Variants in AARS2 observed in about 807,000 individuals in gnomAD.
The protein encoded by AARS2 is alanine--tRNA ligase, mitochondrial.
In AARS2, 78 loss-of-function variants were observed where a neutral mutation model predicts 119.7. The observed-to-expected ratio is 0.65, with a 90% CI of 0.54 to 0.79. The LOEUF is 0.79. Among genes scored for constraint, AARS2 ranks in the 30% least tolerant of loss-of-function variants. The probability of loss-of-function intolerance (pLI) is 0.00; values close to 1 mark genes in which losing one functional copy is unlikely to be tolerated. For synonymous variants in AARS2, 502 were observed against 526.3 expected, an observed-to-expected ratio of 0.95 and a Z score of 0.63; for missense variants, 1,157 against 1,291.3, an observed-to-expected ratio of 0.90 and a Z score of 1.59.
At chr6:44,301,024 G>T in intron 21 of AARS2, 132 bp downstream of exon 21, 1 of 879,882 alleles carries the variant, frequency 1.1e-6, no homozygotes, top group Non-Finnish European at 1.8e-6. Flanking sequence ...CCCCATCCCT[G>T]TCCTGGAGTA....
intron 19 of AARS2, 135 bp downstream of exon 19, chr6:44,301,925 G>T: frequency 1.2e-6 from 1 of 855,108 alleles, no homozygotes; most frequent in Non-Finnish European, 1.9e-6. Flanking sequence ...GTTCTCAGCT[G>T]GCAGGAGAAG....
Position 44,303,809 on chromosome 6 carries a change from AG to A in AARS2, c.2007+371del, listed in dbSNP as rs139622215. ...AAGTACTTCCTGGAGAAAGGATTTA[AG>A]CCAGATGTGTAAGAAGCGCAGGGAG... On this transcript the variant is annotated intron_variant, in intron 14 of 21. Coordinates refer to ENST00000244571, the MANE Select transcript of AARS2 (RefSeq NM_020745.4). Among the ~76,000 whole-genome samples, 457 of 152,348 alleles carry A rather than the reference AG, an allele frequency of 3.0e-3. 4 individuals carry two copies. Among genetic ancestry groups the A allele is most frequent in the African/African-American group, 0.01 (434 of 41,574 alleles).
At chr6:44,304,049 G>A in intron 14 of AARS2, 132 bp downstream of exon 14, 1 of 1,346,900 alleles carries the variant, frequency 7.4e-7, no homozygotes, top group East Asian at 2.4e-5. Context: ...GACTTGCCCA[G>A]GGTCCCATAG....
At chr6:44,303,237 T>G (rs1332479888) in intron 15 of AARS2, 49 bp downstream of exon 15, 1 of 1,613,946 alleles carries the variant, frequency 6.2e-7, no homozygotes, top group East Asian at 2.2e-5. Flanking sequence ...CCTCCAGGTA[T>G]GCCTGAAGGA....
rs1439302868 is a variant in AARS2, at chr6:44,307,705, T to C, written c.895-311A>G. The C allele has an allele frequency of 2.3e-6, 1 of 438,600 alleles. No individual in the cohort carries two copies. Among genetic ancestry groups the C allele is most frequent in the African/African-American group, 2.0e-5 (1 of 50,592 alleles). The allele number at this position is 438,600 out of a possible 1,614,324, so 27.2% of individuals were successfully genotyped here. On this transcript the variant is annotated intron_variant, in intron 5 of 21. Transcript: ENST00000244571. The surrounding 1 kb of genome is among the most constrained non-coding windows in gnomAD (Gnocchi z 4.4). ...CAGCCCATTCCAGGAGGTATTAGCA[T>C]GCTTGCTTTAAAGAAGAAGAAGCTG...
In AARS2 at chr6:44,305,345, T is replaced by C; in HGVS notation, c.1435-147A>G. The C allele has an allele frequency of 7.5e-7, 1 of 1,327,176 alleles. No homozygotes were observed. The highest frequency in any genetic ancestry group is 1.0e-6 in the Non-Finnish European group (1 of 953,264). 82.2% of individuals were successfully genotyped at this position (1,327,176 alleles called of 1,614,324 possible). Reference sequence around the variant, plus strand: ...AAGAACTCAGGGCTTGGCTGGCTGCTAGAGCCCCTGAGCTGGTTGAACCAT... The same window carrying C: ...AAGAACTCAGGGCTTGGCTGGCTGCCAGAGCCCCTGAGCTGGTTGAACCAT... On this transcript the variant is annotated intron_variant, in intron 10 of 21. Coordinates refer to ENST00000244571, the MANE Select transcript of AARS2 (RefSeq NM_020745.4). The surrounding 1 kb of genome is among the most constrained non-coding windows in gnomAD (Gnocchi z 4.6).
rs1785602959 is a variant in AARS2 at position 44,304,038 on chromosome 6, G to GT, written c.2007+142_2007+143insA. On this transcript the variant is annotated intron_variant, in intron 14 of 21. Coordinates refer to ENST00000244571, the MANE Select transcript of AARS2 (RefSeq NM_020745.4). Reference sequence around the variant, plus strand: ...GCTGCACAAGGAGCCCAAGGGGAAAGGACTTGCCCAGGGTCCCATAGTGAT... The same window carrying GT: ...GCTGCACAAGGAGCCCAAGGGGAAAGTGACTTGCCCAGGGTCCCATAGTGAT... The GT allele has an allele frequency of 4.1e-6, 5 of 1,230,536 alleles. No homozygotes were observed. In the South Asian group the frequency reaches 6.4e-5, roughly 16 times the overall value. The allele number at this position is 1,230,536 out of a possible 1,614,324, so 76.2% of individuals were successfully genotyped here.
rs1213281483 is a variant in AARS2, at chr6:44,301,205, A to C, written c.2744T>G (p.Leu915Arg). 1 of 1,613,670 alleles carries C rather than the reference A, an allele frequency of 6.2e-7. No individual in the cohort carries two copies. Among genetic ancestry groups the C allele is most frequent in the East Asian group, 2.2e-5 (1 of 44,856 alleles). Residue 915 changes from leucine (L) to arginine (R), a missense_variant, in exon 21 of 22, where the codon CTC becomes CGC. By Grantham distance (102) the Leu-to-Arg change is moderately radical. Transcript: ENST00000244571. ...EQAPSTSVLL[L>R]SPQPMGKVLC... ...CACCTTCCCCATGGGCTGGGGGCTG[A>C]GTAGGAGCACAGACGTGCTGGGGGC...
chr6:44,312,709 A>G (rs1358599032), intron 1 of AARS2, among the ~76,000 whole-genome samples: 1 of 152,222 alleles, frequency 6.6e-6, no homozygotes, highest in Non-Finnish European at 1.5e-5. Context: ...AGAAAAGATG[A>G]GTGGTTGATA....
intron 4 of AARS2, 150 bp downstream of exon 4, chr6:44,310,844 T>G: frequency 1.1e-6 from 1 of 944,076 alleles, no homozygotes; most frequent in Non-Finnish European, 1.6e-6. Flanking sequence ...ATTAAATCAG[T>G]TATTATCTAT....
rs498512 is a variant in AARS2, at chr6:44,301,456, C to T, written c.2607G>A (p.Lys869=). ...IRKLQMGQAA[K]KTQELLERHS... ...GCCGCTCCAGCAGCTCCTGAGTTTTCTTTGCAGCCTATGGGGCAGGAAGGA... is the reference window on the plus strand; with the variant it reads ...GCCGCTCCAGCAGCTCCTGAGTTTTTTTTGCAGCCTATGGGGCAGGAAGGA... The change falls in exon 20 of 22, where the codon AAG becomes AAA. Residue 869 remains lysine, a synonymous_variant. Transcript: ENST00000244571. 0.73 allele frequency: 1,183,418 copies of T among 1,612,370 alleles called. 439,527 individuals carry two copies. Among genetic ancestry groups the T allele is most frequent in the Admixed American group, 0.78 (46,624 of 59,996 alleles).
intron 14 of AARS2, 108 bp from the exon 15 acceptor site, chr6:44,303,531 G>C (rs1195360126): frequency 9.8e-6 from 15 of 1,537,996 alleles, no homozygotes. Flanking sequence ...CCAGGTTCTA[G>C]AATAGTGGCT....
Position 44,307,562 on chromosome 6 carries a change from C to T in AARS2, c.895-168G>A, listed in dbSNP as rs551065905. On this transcript the variant is annotated intron_variant, in intron 5 of 21. Transcript: ENST00000244571. This position sits in a 1 kb window ranked among gnomAD's most constrained non-coding sequence, Gnocchi z 4.4. ...CCTCACAGATGAGCACAAGCCAGGC[C>T]CTGCCCTCACGGGGCTCATATTTGG... The T allele has an allele frequency of 1.2e-6, 1 of 816,392 alleles. No homozygotes were observed. The highest frequency in any genetic ancestry group is 2.7e-5 in the East Asian group (1 of 37,178). The allele number at this position is 816,392 out of a possible 1,614,324, so 50.6% of individuals were successfully genotyped here. A position where few individuals can be genotyped will look rare whatever the true frequency, so the allele number is the denominator to read the frequency against.
chr6:44,300,043 G>C lies in AARS2; in HGVS notation c.*504C>G, dbSNP rs894694930. On this transcript the variant is annotated 3_prime_UTR_variant, in exon 22 of 22. Transcript: ENST00000244571. The stretch of plus-strand genomic sequence containing the variant: ...CACCCAGGCTGGAGTGCAGTGGTGC[G>C]ATCTTGGCCCACTGCAACCTCCACC... The C allele has an allele frequency of 1.0e-5, 2 of 190,644 alleles. No individual in the cohort carries two copies. Among genetic ancestry groups the C allele is most frequent in the African/African-American group, 2.3e-5 (1 of 42,670 alleles). 11.8% of individuals were successfully genotyped at this position (190,644 alleles called of 1,614,324 possible). A position where few individuals can be genotyped will look rare whatever the true frequency, so the allele number is the denominator to read the frequency against.
intron 9 of AARS2, 109 bp downstream of exon 9, chr6:44,306,171 A>T (rs144055825): frequency 8.1e-5 from 84 of 1,036,946 alleles, no homozygotes; most frequent in African/African-American, 7.8e-4. Flanking sequence ...AACATTGGGA[A>T]GAGGTCAGGG....
intron 14 of AARS2, 24 bp downstream of exon 14, chr6:44,304,157 C>A (rs760607472): frequency 1.9e-6 from 3 of 1,612,352 alleles, no homozygotes; most frequent in South Asian, 1.1e-5. Flanking sequence ...TCACATGAAG[C>A]CTGTCTTTCT....
rs1442644901 is a variant in AARS2 at position 44,299,125 on chromosome 6, C to G, written c.*1422G>C. On this transcript the variant is annotated 3_prime_UTR_variant, in exon 22 of 22. Coordinates refer to ENST00000244571, the MANE Select transcript of AARS2 (RefSeq NM_020745.4). ...GGCTGGAATGCTTTTCCCTGATTTC[C>G]ACACGGGTCACACCCTCACCTCCCA... 1.3e-5 allele frequency among the ~76,000 whole-genome samples: 2 copies of G among 152,190 alleles called. No individual in the cohort carries two copies. Among genetic ancestry groups the G allele is most frequent in the Non-Finnish European group, 2.9e-5 (2 of 68,036 alleles).
At chr6:44,301,117 A>G (rs1414829136) in intron 21 of AARS2, 39 bp downstream of exon 21, 1 of 1,561,496 alleles carries the variant, frequency 6.4e-7, no homozygotes, top group Non-Finnish European at 8.8e-7. Flanking sequence ...CAGGATGGGT[A>G]TTAATGGGGG....
rs759069299 is a variant in AARS2 at position 44,303,061 on chromosome 6, C to T, written c.2255+5G>A. On this transcript the variant is annotated splice_donor_5th_base_variant and intron_variant, in intron 16 of 21. Coordinates refer to ENST00000244571, the MANE Select transcript of AARS2 (RefSeq NM_020745.4). Reference sequence around the variant, plus strand: ...TGGGCCAGGCAGCACAAAGGAGTGACTCACGTCCCACAGCATAGCTCCACA... The same window carrying T: ...TGGGCCAGGCAGCACAAAGGAGTGATTCACGTCCCACAGCATAGCTCCACA... 2 of 1,613,998 alleles carry T rather than the reference C, an allele frequency of 1.2e-6. No homozygotes were observed. Among genetic ancestry groups the T allele is most frequent in the East Asian group, 4.5e-5 (2 of 44,890 alleles).
Sources: allele counts gnomAD v4.1 joint callset (sites outside exome capture counted in the v4.1 genomes callset), GRCh38; gene constraint gnomAD v4.1.1; non-coding constraint Gnocchi (gnomAD v3.1); transcripts MANE v1.5; gene names NCBI Gene and HGNC (gene_info 2026-07-23, HGNC 2026-07-21).